FKBP5: variants seen among roughly 807,000 people sequenced by gnomAD.
The protein encoded by FKBP5 is peptidyl-prolyl cis-trans isomerase FKBP5.
In FKBP5, 23 loss-of-function variants were observed where a neutral mutation model predicts 50.5. That is an observed-to-expected ratio of 0.46 (90% CI 0.33 to 0.65). FKBP5 has a LOEUF of 0.65. Ranked by LOEUF, FKBP5 falls within the 30% of genes least tolerant of loss-of-function variation. FKBP5 has a pLI of 0.02. For missense variants in FKBP5, 411 were observed against 553.1 expected (o/e 0.74, Z 2.58); for synonymous variants, 176 against 190.6 (o/e 0.92, Z 0.63).
Position 35,619,040 on chromosome 6 carries a change from G to A in FKBP5, c.508+56C>T, listed in dbSNP as rs766026012. 4.0e-5 allele frequency: 46 copies of A among 1,144,048 alleles called. No homozygotes were observed. The African/African-American group carries it at 4.2e-4, about 10-fold the overall frequency. The allele number at this position is 1,144,048 out of a possible 1,614,324, so 70.9% of individuals were successfully genotyped here. A position where few individuals can be genotyped will look rare whatever the true frequency, so the allele number is the denominator to read the frequency against. On this transcript the variant is annotated intron_variant, in intron 5 of 10. Coordinates refer to ENST00000357266, the MANE Select transcript of FKBP5 (RefSeq NM_004117.4). ...ACATTTTTTTTTAAGTCTCCATTTCGTCCACATAAATGGCCCAACTTTTAA... is the reference window on the plus strand; with the variant it reads ...ACATTTTTTTTTAAGTCTCCATTTCATCCACATAAATGGCCCAACTTTTAA...
chr6:35,609,889 C>T (rs1269864265), intron 5 of FKBP5, among the ~76,000 whole-genome samples: 2 of 152,142 alleles, frequency 1.3e-5, no homozygotes, highest in Non-Finnish European at 1.5e-5. Context: ...TTAACAATTT[C>T]TGAAGACAAT....
intron 2 of FKBP5, 87 bp from the exon 3 acceptor site, chr6:35,637,245 C>A (rs894255943): frequency 8.5e-7 from 1 of 1,174,398 alleles, no homozygotes; most frequent in Admixed American, 2.3e-5. Flanking sequence ...CATCCCAAGA[C>A]ATCCAGGCAG....
At chr6:35,677,043 T>C (rs1765539778) in intron 1 of FKBP5, among the ~76,000 whole-genome samples, 1 of 152,166 alleles carries the variant, frequency 6.6e-6, no homozygotes, top group Admixed American at 6.6e-5. Context: ...GTCACGTCAT[T>C]TTCAGCGAAG....
chr6:35,595,646 G>A (rs1762963421), intron 6 of FKBP5, among the ~76,000 whole-genome samples: 2 of 152,062 alleles, frequency 1.3e-5, no homozygotes, highest in African/African-American at 4.8e-5. Context: ...AGCTACTCTA[G>A]AGACTGAAGT....
chr6:35,585,378 A>C, intron 8 of FKBP5: 1 of 981,044 alleles, frequency 1.0e-6, no homozygotes, highest in Non-Finnish European at 1.2e-6. Flanking sequence ...CCTCAATTAG[A>C]ATTAAAAACA....
chr6:35,596,397 G>A (rs1246223177), intron 6 of FKBP5, among the ~76,000 whole-genome samples: 1 of 152,022 alleles, frequency 6.6e-6, no homozygotes, highest in African/African-American at 2.4e-5. Flanking sequence ...CTGGGGCAAA[G>A]GTAAACTGCC....
intron 2 of FKBP5, among the ~76,000 whole-genome samples, chr6:35,641,484 C>A (rs1764487944): frequency 6.6e-6 from 1 of 152,182 alleles, no homozygotes; most frequent in African/African-American, 2.4e-5. Context: ...ACCCATGCTA[C>A]AACAGCTATG....
intron 1 of FKBP5, among the ~76,000 whole-genome samples, chr6:35,649,672 G>A (rs567818641): frequency 6.6e-6 from 1 of 152,150 alleles, no homozygotes; most frequent in Non-Finnish European, 1.5e-5. Flanking sequence ...GGTTATAAAG[G>A]CGAAACATGA....
Position 35,663,542 on chromosome 6 carries a change from A to G in FKBP5, c.-19-20699T>C, listed in dbSNP as rs371913888. Among the ~76,000 whole-genome samples, 24 of 152,302 alleles carry G rather than the reference A, an allele frequency of 1.6e-4. No individual in the cohort carries two copies. The East Asian group carries it at 2.9e-3, about 18-fold the overall frequency. ...CCTTCTTATGCTTAATACCCTATACATGCTGATCACTCGCTATCTCTGAAA... is the reference window on the plus strand; with the variant it reads ...CCTTCTTATGCTTAATACCCTATACGTGCTGATCACTCGCTATCTCTGAAA... On this transcript the variant is annotated intron_variant, in intron 1 of 10. Coordinates refer to ENST00000357266, the MANE Select transcript of FKBP5 (RefSeq NM_004117.4).
At position 35,678,032 on chromosome 6, in the gene FKBP5, G is replaced by A. The variant is rs372099072; in HGVS notation, c.-20+10772C>T. 3.0e-4 allele frequency among the ~76,000 whole-genome samples: 46 copies of A among 152,178 alleles called. No homozygotes were observed. The East Asian group carries it at 7.5e-3, about 25-fold the overall frequency. ...TATGTATGAAGTTCATTATAGACTC[G>A]GGATAACATCCTGCTTTACCACATT... On this transcript the variant is annotated intron_variant, in intron 1 of 10. Coordinates refer to ENST00000357266, the MANE Select transcript of FKBP5 (RefSeq NM_004117.4).
chr6:35,713,639 C>G (rs1002809716), intron 2 of FKBP5, among the ~76,000 whole-genome samples: 1 of 152,228 alleles, frequency 6.6e-6, no homozygotes. Flanking sequence ...CAAGGAGCAG[C>G]AAACGCTCCT....
intron 5 of FKBP5, among the ~76,000 whole-genome samples, chr6:35,617,625 G>A (rs1561860211): frequency 3.9e-5 from 6 of 152,176 alleles, no homozygotes. Context: ...AAGGATTTCA[G>A]CTCACTAATG....
chr6:35,721,997 C>A (rs1253641293), intron 1 of FKBP5, among the ~76,000 whole-genome samples: 1 of 152,186 alleles, frequency 6.6e-6, no homozygotes, highest in Non-Finnish European at 1.5e-5. Flanking sequence ...AAACCCTCAG[C>A]CTCCAGATGT....
At chr6:35,641,178 T>C (rs1287137891) in intron 2 of FKBP5, among the ~76,000 whole-genome samples, 2 of 152,150 alleles carry the variant, frequency 1.3e-5, no homozygotes, top group African/African-American at 4.8e-5. Context: ...GATAGGGGTC[T>C]TACTATGTTG....
intron 2 of FKBP5, among the ~76,000 whole-genome samples, chr6:35,640,974 GTTT>G (rs1479294370): frequency 6.6e-6 from 1 of 151,910 alleles, no homozygotes. Flanking sequence ...GCCCAAGGCT[GTTT>G]TTTGTTTGTT....
chr6:35,683,118 A>ATGTGTGTGTGTGTG (rs1269365673), intron 1 of FKBP5, among the ~76,000 whole-genome samples: 13 of 108,812 alleles, frequency 1.2e-4, no homozygotes, highest in Admixed American at 1.0e-3. Context: ...ATATATACGT[A>ATGTGTGTGTGTGTG]TATGTGTGTG....
chr6:35,603,130 T>C (rs1307269095), intron 5 of FKBP5, among the ~76,000 whole-genome samples: 1 of 152,232 alleles, frequency 6.6e-6, no homozygotes, highest in Non-Finnish European at 1.5e-5. Context: ...GAATTAGAGC[T>C]TTTAATCTAG....
chr6:35,725,785 T>G (rs1178694726), intron 1 of FKBP5, among the ~76,000 whole-genome samples: 1 of 152,122 alleles, frequency 6.6e-6, no homozygotes, highest in Non-Finnish European at 1.5e-5. Context: ...CACGGTACAT[T>G]CCGGTCCCAG....
intron 2 of FKBP5, among the ~76,000 whole-genome samples, chr6:35,706,778 C>A (rs999978425): frequency 1.3e-5 from 2 of 152,126 alleles, no homozygotes; most frequent in Admixed American, 6.6e-5. Flanking sequence ...ATGTTCTCTG[C>A]GGTATTTGTA....
Sources: gnomAD v4.1 joint callset for allele counts (sites outside exome capture counted in the v4.1 genomes callset) on GRCh38, gnomAD v4.1.1 for gene constraint, MANE v1.5 for transcripts, NCBI Gene and HGNC (gene_info 2026-07-23, HGNC 2026-07-21) for gene names.